OR6C4: variants seen among roughly 807,000 people sequenced by gnomAD.
The protein encoded by OR6C4 is olfactory receptor 6C4.
In OR6C4, 20 loss-of-function variants were observed where a neutral mutation model predicts 15.1. That is an observed-to-expected ratio of 1.32 (90% CI 0.93 to 1.92). The LOEUF (loss-of-function observed/expected upper bound fraction) is 1.92. OR6C4 is among the 30% of genes most tolerant of loss of function. The pLI, the probability that OR6C4 is intolerant of heterozygous loss-of-function variation, is 0.00. For synonymous variants in OR6C4, 179 were observed against 134.2 expected (o/e 1.33, Z -2.31); for missense variants, 491 against 363.2 (o/e 1.35, Z -2.86).
At position 55,552,339 on chromosome 12, in the gene OR6C4, C is replaced by CA. The variant is rs912110170; in HGVS notation, c.*189dup. Reference sequence around the variant, plus strand: ...ATGGTAAATTTATGTAATAAATTTACAAAAAACAAAATAATATTTTAATTG... The same window carrying CA: ...ATGGTAAATTTATGTAATAAATTTACAAAAAAACAAAATAATATTTTAATTG... On this transcript the variant is annotated 3_prime_UTR_variant, in exon 2 of 2. Transcript: ENST00000641569. The CA allele has an allele frequency of 1.2e-5, 6 of 483,212 alleles. No homozygotes were observed. Among genetic ancestry groups the CA allele is most frequent in the African/African-American group, 4.1e-5 (2 of 48,672 alleles). 29.9% of individuals were successfully genotyped at this position (483,212 alleles called of 1,614,324 possible).
At position 55,552,578 on chromosome 12, in the gene OR6C4, A is replaced by C. The variant is rs2135868370; in HGVS notation, c.*422A>C. Reference sequence around the variant, plus strand: ...GGGTTTCATGAGTCAAGAAATTTTCAGAATTGTTTTGAGGAGAATGTAGTA... The same window carrying C: ...GGGTTTCATGAGTCAAGAAATTTTCCGAATTGTTTTGAGGAGAATGTAGTA... On this transcript the variant is annotated 3_prime_UTR_variant, in exon 2 of 2. Transcript: ENST00000641569. 1.2e-5 allele frequency: 2 copies of C among 160,602 alleles called. No homozygotes were observed. Among genetic ancestry groups the C allele is most frequent in the South Asian group, 1.9e-4 (1 of 5,282 alleles). 9.9% of individuals were successfully genotyped at this position (160,602 alleles called of 1,614,324 possible). A position where few individuals can be genotyped will look rare whatever the true frequency, so the allele number is the denominator to read the frequency against.
rs752672235 is a variant in OR6C4 at position 55,551,606 on chromosome 12, CCT to C, written c.381_382del (p.Leu128AlafsTer50). 2 of 1,613,798 alleles carry C rather than the reference CCT, an allele frequency of 1.2e-6. No individual in the cohort carries two copies. The highest frequency in any genetic ancestry group is 4.5e-5 in the East Asian group (2 of 44,890). On this transcript the variant is annotated frameshift_variant, in exon 2 of 2. Transcript: ENST00000641569. LOFTEE classifies it high-confidence loss of function. ...GATCGTTATGTGGCCATCTGCAAAC[CCT>C]TGCATTACCTGACTATTATGAGCAG... is the stretch of plus-strand genomic sequence containing the variant.
At position 55,551,870 on chromosome 12, in the gene OR6C4, C is replaced by A. The variant is rs1873879664; in HGVS notation, c.644C>A (p.Ser215Tyr). The change falls in exon 2 of 2, where the codon TCT becomes TAT. Residue 215 changes from serine (S) to tyrosine (Y), a missense_variant. By Grantham distance (144) the Ser-to-Tyr change is moderately radical (BLOSUM62 -2). Transcript: ENST00000641569. ...GTTACTCTGGTGCTGGTGACACTTT[C>A]TTACACATACATTATCAGGACTATT... ...LMVTLVLVTL[S>Y]YTYIIRTILR... 2 of 1,613,802 alleles carry A rather than the reference C, an allele frequency of 1.2e-6. No homozygotes were observed. Among genetic ancestry groups the A allele is most frequent in the Non-Finnish European group, 1.7e-6 (2 of 1,179,900 alleles).
chr12:55,552,227 T>C lies in OR6C4; in HGVS notation c.*71T>C. The C allele has an allele frequency of 9.6e-7, 1 of 1,044,488 alleles. No homozygotes were observed. Among genetic ancestry groups the C allele is most frequent in the Non-Finnish European group, 1.4e-6 (1 of 723,602 alleles). The allele number at this position is 1,044,488 out of a possible 1,614,324, so 64.7% of individuals were successfully genotyped here. A position where few individuals can be genotyped will look rare whatever the true frequency, so the allele number is the denominator to read the frequency against. On this transcript the variant is annotated 3_prime_UTR_variant, in exon 2 of 2. Transcript: ENST00000641569. Reference sequence around the variant, plus strand: ...CATTGAATGTCTATATTTCAAGTGCTAAATTGGCCCTTGAAGATTAAAATA... The same window carrying C: ...CATTGAATGTCTATATTTCAAGTGCCAAATTGGCCCTTGAAGATTAAAATA...
intron 1 of OR6C4, among the ~76,000 whole-genome samples, chr12:55,550,598 A>G (rs1468468143): frequency 2.0e-5 from 3 of 152,208 alleles, no homozygotes; most frequent in Non-Finnish European, 4.4e-5. Flanking sequence ...GTAAATTAAT[A>G]TGACATATTG....
chr12:55,550,656 G>A (rs1408583420), intron 1 of OR6C4, among the ~76,000 whole-genome samples: 1 of 152,192 alleles, frequency 6.6e-6, no homozygotes, highest in Non-Finnish European at 1.5e-5. Flanking sequence ...AATACAAAAT[G>A]AGATGATCTT....
Position 55,551,189 on chromosome 12 carries a change from T to C in OR6C4, c.-18-20T>C. ...CTAAGAAACTCTTCAATTTTCATCA[T>C]TCTCACCTTTTGCCTTTAGGTTTTC... On this transcript the variant is annotated intron_variant, in intron 1 of 1. Transcript: ENST00000641569. The C allele has an allele frequency of 7.1e-7, 1 of 1,408,598 alleles. No individual in the cohort carries two copies. The highest frequency in any genetic ancestry group is 1.4e-5 in the African/African-American group (1 of 69,734). 87.3% of individuals were successfully genotyped at this position (1,408,598 alleles called of 1,614,324 possible).
chr12:55,550,828 G>A (rs927415147), intron 1 of OR6C4, among the ~76,000 whole-genome samples: 6 of 152,140 alleles, frequency 3.9e-5, no homozygotes, highest in African/African-American at 1.4e-4. Context: ...AACAGAATGA[G>A]GTAGAGAGAT....
intron 1 of OR6C4, 46 bp downstream of exon 1, chr12:55,550,164 A>G (rs1193617380): frequency 6.6e-6 from 1 of 152,228 alleles, no homozygotes; most frequent in African/African-American, 2.4e-5. Context: ...CCCAGGTCAC[A>G]TCATCTAAGA....
At position 55,551,831 on chromosome 12, in the gene OR6C4, T is replaced by C. The variant is rs764091200; in HGVS notation, c.605T>C (p.Val202Ala). Reference sequence around the variant, plus strand: ...GAACTGATGGTCATCCTCTTGGCCGTTGTGACTCTCATGGTTACTCTGGTG... The same window carrying C: ...GAACTGATGGTCATCCTCTTGGCCGCTGTGACTCTCATGGTTACTCTGGTG... ...LLELMVILLA[V>A]VTLMVTLVLV... Residue 202 changes from valine to alanine, a missense_variant, in exon 2 of 2, where the codon GTT becomes GCT. By Grantham distance (64) the Val-to-Ala change is moderately conservative. Transcript: ENST00000641569. 3.1e-5 allele frequency: 50 copies of C among 1,613,722 alleles called. No homozygotes were observed. The highest frequency in any genetic ancestry group is 4.0e-5 in the Non-Finnish European group (47 of 1,179,906).
rs1046307736 is a variant in OR6C4 at position 55,554,939 on chromosome 12, C to G, written c.*2783C>G. On this transcript the variant is annotated 3_prime_UTR_variant, in exon 2 of 2. Transcript: ENST00000641569. ...CTTTGGGAGGCTGAGGCAGGCGGAT[C>G]ACTTGAGGTCAGGAGTTCAAGAACA... 2.6e-5 allele frequency: 4 copies of G among 152,138 alleles called. No homozygotes were observed. The highest frequency in any genetic ancestry group is 9.7e-5 in the African/African-American group (4 of 41,436). The allele number at this position is 152,138 out of a possible 1,614,324, so 9.4% of individuals were successfully genotyped here.
chr12:55,551,952 CAT>C lies in OR6C4; in HGVS notation c.727_728del (p.Met243AspfsTer16), dbSNP rs779334911. Reference protein sequence around the residue: ...TKAFSTCSSHMIVISLSYGSC... With the variant: ...TKAFSTCSSHXIVISLSYGSC... ...AGGCCTTTTCCACTTGTTCCTCCCA[CAT>C]GATTGTCATCTCCCTCTCTTATGGC... is the stretch of plus-strand genomic sequence containing the variant. On this transcript the variant is annotated frameshift_variant, in exon 2 of 2. Transcript: ENST00000641569. LOFTEE classifies it high-confidence loss of function. The C allele has an allele frequency of 2.5e-6, 4 of 1,613,910 alleles. No individual in the cohort carries two copies. In the African/African-American group the frequency reaches 5.3e-5, roughly 22 times the overall value.
At position 55,551,309 on chromosome 12, in the gene OR6C4, T is replaced by C. The variant is rs1265270113; in HGVS notation, c.83T>C (p.Phe28Ser). Residue 28 changes from phenylalanine (F) to serine (S), a missense_variant, in exon 2 of 2, where the codon TTT (phenylalanine) becomes TCT (serine). Physicochemically the swap from Phe to Ser is radical, Grantham distance 155. Transcript: ENST00000641569. Reference protein sequence around the residue: ...QPELQVMIFIFLFLTYMLSIL... With the variant: ...QPELQVMIFISLFLTYMLSIL... Reference sequence around the variant, plus strand: ...GAACTCCAAGTGATGATATTCATCTTTCTGTTCCTCACCTACATGCTAAGT... The same window carrying C: ...GAACTCCAAGTGATGATATTCATCTCTCTGTTCCTCACCTACATGCTAAGT... 6.2e-7 allele frequency: 1 copy of C among 1,613,698 alleles called. No homozygotes were observed. Among genetic ancestry groups the C allele is most frequent in the Non-Finnish European group, 8.5e-7 (1 of 1,179,706 alleles).
At position 55,553,712 on chromosome 12, in the gene OR6C4, C is replaced by T. The variant is rs553688949; in HGVS notation, c.*1556C>T. 2 of 152,098 alleles carry T rather than the reference C, an allele frequency of 1.3e-5. No individual in the cohort carries two copies. The highest frequency in any genetic ancestry group is 1.3e-4 in the Admixed American group (2 of 15,232). 9.4% of individuals were successfully genotyped at this position (152,098 alleles called of 1,614,324 possible). A position where few individuals can be genotyped will look rare whatever the true frequency, so the allele number is the denominator to read the frequency against. The stretch of plus-strand genomic sequence containing the variant: ...AAGTTCCCCTACACCCACATTTCTA[C>T]TAAAACCTATGGTACAGTGGGAGCA... On this transcript the variant is annotated 3_prime_UTR_variant, in exon 2 of 2. Transcript: ENST00000641569.
intron 1 of OR6C4, among the ~76,000 whole-genome samples, chr12:55,550,510 T>A (rs1873826074): frequency 6.6e-6 from 1 of 152,136 alleles, no homozygotes; most frequent in African/African-American, 2.4e-5. Flanking sequence ...CTTACAGAGT[T>A]CTCAAAATTT....
Sources: gnomAD v4.1 joint callset for allele counts (sites outside exome capture counted in the v4.1 genomes callset) on GRCh38, gnomAD v4.1.1 for gene constraint, MANE v1.5 for transcripts, NCBI Gene and HGNC (gene_info 2026-07-23, HGNC 2026-07-21) for gene names.